Variants in RYR2 observed in about 807,000 individuals in gnomAD.
RYR2 encodes ryanodine receptor 2.
In RYR2, 227 loss-of-function variants were observed where a neutral mutation model predicts 601.1. That is an observed-to-expected ratio of 0.38 (90% CI 0.34 to 0.42). The LOEUF is 0.42. RYR2 is among the 10% of genes least tolerant of loss of function. The pLI is 1.00. For synonymous variants in RYR2, 2,223 were observed against 2,175.1 expected (o/e 1.02, Z -0.61); for missense variants, 4,646 against 6,156.5 (o/e 0.75, Z 8.21).
At chr1:237,481,433 A>G (rs996930292) in intron 17 of RYR2, among the ~76,000 whole-genome samples, 1 of 152,224 alleles carries the variant, frequency 6.6e-6, no homozygotes, top group Non-Finnish European at 1.5e-5. Flanking sequence ...CACAAAATTC[A>G]CTGCAAACAT....
chr1:237,253,193 A>G (rs1175887588), intron 1 of RYR2, among the ~76,000 whole-genome samples: 1 of 149,228 alleles, frequency 6.7e-6, no homozygotes, highest in East Asian at 2.0e-4. Context: ...AACAACAAAA[A>G]GTGAAATAGT....
chr1:237,760,486 TTTTA>T (rs1693335883), intron 83 of RYR2, among the ~76,000 whole-genome samples: 1 of 152,050 alleles, frequency 6.6e-6, no homozygotes, highest in Non-Finnish European at 1.5e-5. Context: ...TTCTATTTAG[TTTTA>T]TTTAGGAGCT....
At chr1:237,776,471 C>T (rs1573903621) in intron 87 of RYR2, among the ~76,000 whole-genome samples, 1 of 152,158 alleles carries the variant, frequency 6.6e-6, no homozygotes, top group South Asian at 2.1e-4. Flanking sequence ...ATGTCAGTCA[C>T]TTTGTCACAA....
At chr1:237,625,881 T>C in intron 40 of RYR2, 77 bp downstream of exon 40, 3 of 1,508,418 alleles carry the variant, frequency 2.0e-6, no homozygotes, top group Middle Eastern at 1.7e-4. Flanking sequence ...AATGTTTTAC[T>C]GGATGAGCCA....
intron 1 of RYR2, among the ~76,000 whole-genome samples, chr1:237,147,232 G>T (rs995556176): frequency 6.6e-6 from 1 of 151,964 alleles, no homozygotes; most frequent in East Asian, 1.9e-4. Context: ...CAAATTAAAT[G>T]ATTTTTAGAG....
At chr1:237,094,884 C>A (rs1667359565) in intron 1 of RYR2, among the ~76,000 whole-genome samples, 2 of 152,234 alleles carry the variant, frequency 1.3e-5, no homozygotes, top group South Asian at 4.1e-4. Context: ...AGCCACCGCA[C>A]CCGGCCTTGT....
chr1:237,413,001 G>T (rs1704597575), intron 10 of RYR2, among the ~76,000 whole-genome samples: 1 of 152,010 alleles, frequency 6.6e-6, no homozygotes, highest in African/African-American at 2.4e-5. Context: ...TCCTCTAGGT[G>T]GGCTGATTTC....
At position 237,674,938 on chromosome 1, in the gene RYR2, T is replaced by C. The variant is rs1308982338; in HGVS notation, c.8830+92T>C. On this transcript the variant is annotated intron_variant, in intron 60 of 104. Coordinates refer to ENST00000366574, the MANE Select transcript of RYR2 (RefSeq NM_001035.3). ...TATAGAACAACACAGGCTGCTGAGC[T>C]ATTTGTGATGGTATAAACCCATCTA... The C allele has an allele frequency of 4.9e-5, 33 of 667,500 alleles. 1 individual carries two copies. In the Admixed American group the frequency reaches 8.7e-4, roughly 18 times the overall value. The allele number at this position is 667,500 out of a possible 1,614,324, so 41.3% of individuals were successfully genotyped here.
chr1:237,110,648 G>A (rs1316223003), intron 1 of RYR2, among the ~76,000 whole-genome samples: 2 of 152,252 alleles, frequency 1.3e-5, no homozygotes, highest in Non-Finnish European at 2.9e-5. Context: ...TCTAGGCAAA[G>A]CTGGCAAATT....
intron 1 of RYR2, among the ~76,000 whole-genome samples, chr1:237,198,630 C>A (rs1436311568): frequency 2.6e-5 from 4 of 151,802 alleles, no homozygotes; most frequent in African/African-American, 7.3e-5. Flanking sequence ...ATTATTTATT[C>A]CTGGCAATTT....
intron 2 of RYR2, among the ~76,000 whole-genome samples, chr1:237,272,200 G>A (rs1689758170): frequency 6.6e-6 from 1 of 152,116 alleles, no homozygotes; most frequent in Admixed American, 6.6e-5. Flanking sequence ...AGACGTTTCT[G>A]GAGTAACCTT....
intron 26 of RYR2, 70 bp from the exon 27 acceptor site, chr1:237,550,474 A>G: frequency 6.5e-7 from 1 of 1,526,862 alleles, no homozygotes; most frequent in South Asian, 1.2e-5. Flanking sequence ...AGTTTGATGT[A>G]TTTGGTAGCT....
rs753630324 is a variant in RYR2 at position 237,709,527 on chromosome 1, G to T, written c.10190G>T (p.Arg3397Leu). 25 of 1,611,830 alleles carry T rather than the reference G, an allele frequency of 1.6e-5. No homozygotes were observed. The highest frequency in any genetic ancestry group is 5.5e-5 in the South Asian group (5 of 90,556). ...AACCCAGAAGCAGAGGAGCTCTTCC[G>T]CATGGTGGCTGAAGTGTTTATCTAC... Reference protein sequence around the residue: ...EPNPEAEELFRMVAEVFIYWS... With the variant: ...EPNPEAEELFLMVAEVFIYWS... Residue 3397 changes from arginine (R) to leucine (L), a missense_variant, in exon 70 of 105, where the codon CGC (arginine) becomes CTC (leucine). Transcript: ENST00000366574.
At chr1:237,232,681 C>T (rs556013244) in intron 1 of RYR2, among the ~76,000 whole-genome samples, 3 of 152,032 alleles carry the variant, frequency 2.0e-5, no homozygotes, top group Admixed American at 6.6e-5. Flanking sequence ...GACTGGTTAC[C>T]AGTGAGAAGT....
chr1:237,474,630 G>T (rs10925431), intron 17 of RYR2, among the ~76,000 whole-genome samples: 1 of 151,874 alleles, frequency 6.6e-6, no homozygotes, highest in Non-Finnish European at 1.5e-5. Flanking sequence ...GGGTGCCCAT[G>T]TTGCCCCATT....
intron 1 of RYR2, among the ~76,000 whole-genome samples, chr1:237,167,751 C>T (rs1275404224): frequency 6.6e-5 from 7 of 106,412 alleles, no homozygotes; most frequent in African/African-American, 2.2e-4. Context: ...GAGATGAGGT[C>T]TTGCTGTGTC....
At chr1:237,632,389 CT>C (rs11448751) in intron 42 of RYR2, among the ~76,000 whole-genome samples, 45 of 127,430 alleles carry the variant, frequency 3.5e-4, no homozygotes, top group South Asian at 7.8e-4. Flanking sequence ...AAAGTGAATT[CT>C]TTTTTTTTTT....
intron 4 of RYR2, among the ~76,000 whole-genome samples, chr1:237,363,175 C>T (rs1699922833): frequency 6.6e-6 from 1 of 151,770 alleles, no homozygotes. Flanking sequence ...TGAATTAAGG[C>T]TTAATAATGA....
chr1:237,787,645 G>A (rs1025892046), intron 91 of RYR2, among the ~76,000 whole-genome samples: 1 of 151,068 alleles, frequency 6.6e-6, no homozygotes, highest in Non-Finnish European at 1.5e-5. Context: ...TTAAAAATAG[G>A]GTATGTGGGA....
Sources: allele counts gnomAD v4.1 joint callset (sites outside exome capture counted in the v4.1 genomes callset), GRCh38; gene constraint gnomAD v4.1.1; transcripts MANE v1.5; gene names NCBI Gene and HGNC (gene_info 2026-07-23, HGNC 2026-07-21).